The following MDGA2 variants were observed in gnomAD, a reference collection of about 807,000 sequenced individuals.
The protein encoded by MDGA2 is MAM domain containing glycosylphosphatidylinositol anchor 2.
In MDGA2, 40 loss-of-function variants were observed where a neutral mutation model predicts 117.8. The observed-to-expected ratio is 0.34, with a 90% confidence interval of 0.26 to 0.44. The LOEUF is 0.44. Ranked by LOEUF, MDGA2 falls within the 20% of genes least tolerant of loss-of-function variation. The pLI, the probability that MDGA2 is intolerant of heterozygous loss-of-function variation, is 1.00. For missense variants in MDGA2, 1,123 were observed against 1,250.6 expected, an observed-to-expected ratio of 0.90 and a Z score of 1.54; for synonymous variants, 452 against 439.0, an observed-to-expected ratio of 1.03 and a Z score of -0.37.
chr14:47,469,424 A>G (rs1231373921), intron 1 of MDGA2, among the ~76,000 whole-genome samples: 4 of 152,110 alleles, frequency 2.6e-5, no homozygotes, highest in African/African-American at 7.2e-5. Context: ...TTGTCCTTGC[A>G]ATAGTTTGCT....
rs545128716 is a variant in MDGA2 at position 46,951,433 on chromosome 14, A to G, written c.2089+5941T>C. Among the ~76,000 whole-genome samples, 5 of 152,044 alleles carry G rather than the reference A, an allele frequency of 3.3e-5. No homozygotes were observed. The South Asian group carries it at 1.0e-3, about 32-fold the overall frequency. On this transcript the variant is annotated intron_variant, in intron 9 of 16. Transcript: ENST00000399232. ...CCGTGACTTCTTTCTGATTAACAGA[A>G]CCTAAAAAATGTTACAGAATGTCAC...
At chr14:47,446,826 T>A (rs1893133752) in intron 1 of MDGA2, among the ~76,000 whole-genome samples, 1 of 152,110 alleles carries the variant, frequency 6.6e-6, no homozygotes, top group Non-Finnish European at 1.5e-5. Context: ...AGCACCCACT[T>A]TCTAAAGTCA....
At chr14:47,399,908 T>C (rs908676601) in intron 1 of MDGA2, among the ~76,000 whole-genome samples, 2 of 152,150 alleles carry the variant, frequency 1.3e-5, no homozygotes, top group African/African-American at 4.8e-5. Flanking sequence ...GATCCAAGTG[T>C]ACACTTGGAG....
rs534799924 is a variant in MDGA2 at position 46,845,778 on chromosome 14, G to A, written c.2977C>T (p.Leu993=). ...CAAAGATACTTACTCTTAGTTGCTA[G>A]GTCTTGTTTTGCACATTCTCCTTCT... The part of the protein sequence containing the change: ...IAEGECAKQD[L]ATKNSVDGAV... The change falls in exon 16 of 17, where the codon CTA becomes TTA. Residue 993 remains leucine (L), a synonymous_variant. Coordinates refer to ENST00000399232, the MANE Select transcript of MDGA2 (RefSeq NM_001113498.3). 42 of 1,609,082 alleles carry A rather than the reference G, an allele frequency of 2.6e-5. No individual in the cohort carries two copies. The South Asian group carries it at 3.9e-4, about 15-fold the overall frequency.
At chr14:47,440,556 G>A (rs75166866) in intron 1 of MDGA2, among the ~76,000 whole-genome samples, 4,570 of 152,180 alleles carry the variant, frequency 0.03, 96 homozygotes, top group Middle Eastern at 0.065. Flanking sequence ...TTATATAAAC[G>A]CTTTTCCAGA....
chr14:47,635,263 C>T (rs1897303767), intron 1 of MDGA2, among the ~76,000 whole-genome samples: 1 of 151,954 alleles, frequency 6.6e-6, no homozygotes, highest in Non-Finnish European at 1.5e-5. Flanking sequence ...AAGTTTTGAC[C>T]TTAAGCAGGT....
chr14:46,993,423 C>T (rs1214239427), intron 8 of MDGA2, among the ~76,000 whole-genome samples: 1 of 151,576 alleles, frequency 6.6e-6, no homozygotes, highest in Non-Finnish European at 1.5e-5. Flanking sequence ...ACTTATTATA[C>T]ATTTTACAAA....
intron 2 of MDGA2, among the ~76,000 whole-genome samples, chr14:47,231,022 C>T (rs574233914): frequency 1.2e-4 from 18 of 151,992 alleles, no homozygotes; most frequent in Middle Eastern, 3.4e-3. Flanking sequence ...ATTTTGTGCT[C>T]GATTTTCTAC....
At chr14:47,625,313 A>C (rs1897121853) in intron 1 of MDGA2, among the ~76,000 whole-genome samples, 1 of 152,112 alleles carries the variant, frequency 6.6e-6, no homozygotes, top group Non-Finnish European at 1.5e-5. Context: ...GCAAAAACAA[A>C]AAAAAAAGTA....
intron 1 of MDGA2, among the ~76,000 whole-genome samples, chr14:47,626,715 G>A (rs1421128650): frequency 6.6e-6 from 1 of 152,182 alleles, no homozygotes; most frequent in South Asian, 2.1e-4. Flanking sequence ...CAGCTGCTGT[G>A]TTGGATTTCT....
chr14:46,874,347 C>T, intron 12 of MDGA2, 147 bp from the exon 13 acceptor site: 2 of 371,138 alleles, frequency 5.4e-6, no homozygotes, highest in Non-Finnish European at 9.4e-6. Context: ...CAGAAGATTA[C>T]AACTAAACAT....
chr14:47,500,052 C>A (rs1010490182), intron 1 of MDGA2, among the ~76,000 whole-genome samples: 5 of 152,064 alleles, frequency 3.3e-5, no homozygotes. Flanking sequence ...CCTGAAAAAT[C>A]ATTTGCATAT....
intron 6 of MDGA2, among the ~76,000 whole-genome samples, chr14:47,089,147 C>T (rs1392850107): frequency 1.3e-5 from 2 of 152,000 alleles, no homozygotes; most frequent in Non-Finnish European, 2.9e-5. Flanking sequence ...ATCCCTAGTA[C>T]ATCTTTGGCA....
intron 2 of MDGA2, among the ~76,000 whole-genome samples, chr14:47,233,117 A>G (rs1418986942): frequency 6.6e-6 from 1 of 152,144 alleles, no homozygotes; most frequent in Non-Finnish European, 1.5e-5. Context: ...TATAAAGTTT[A>G]AAACTAAAAG....
chr14:47,046,514 TG>T (rs1889271439), intron 7 of MDGA2, among the ~76,000 whole-genome samples: 2 of 151,604 alleles, frequency 1.3e-5, no homozygotes. Context: ...GATGAGTTAA[TG>T]GGTGCAGCAC....
At chr14:47,673,632 A>ATGTGTGTG (rs10528657) in intron 1 of MDGA2, among the ~76,000 whole-genome samples, 12,298 of 143,926 alleles carry the variant, frequency 0.085, 611 homozygotes, top group South Asian at 0.15. Context: ...TATGACCTGG[A>ATGTGTGTG]TGTGTGTGTG....
chr14:46,849,788 C>T (rs1432803915), intron 15 of MDGA2, among the ~76,000 whole-genome samples: 1 of 151,752 alleles, frequency 6.6e-6, no homozygotes, highest in African/African-American at 2.4e-5. Context: ...TCCATCATTT[C>T]CATCATTTAT....
At chr14:47,331,837 A>C (rs1204419806) in intron 1 of MDGA2, among the ~76,000 whole-genome samples, 1 of 152,006 alleles carries the variant, frequency 6.6e-6, no homozygotes, top group Non-Finnish European at 1.5e-5. Flanking sequence ...TTTCATTTCT[A>C]AATCTCAAAC....
intron 1 of MDGA2, among the ~76,000 whole-genome samples, chr14:47,615,723 A>C (rs549798334): frequency 9.8e-5 from 15 of 152,326 alleles, no homozygotes; most frequent in Admixed American, 7.8e-4. Context: ...TTAGGTGAGA[A>C]CTATTAGGTT....
Sources: gnomAD v4.1 joint callset for allele counts (sites outside exome capture counted in the v4.1 genomes callset) on GRCh38, gnomAD v4.1.1 for gene constraint, MANE v1.5 for transcripts, NCBI Gene and HGNC (gene_info 2026-07-23, HGNC 2026-07-21) for gene names.